The following WDR59 variants were observed in gnomAD, a reference collection of about 807,000 sequenced individuals.
WDR59 encodes GATOR2 complex protein WDR59.
Under a neutral mutation model 131.2 loss-of-function variants are expected in WDR59, and 100 were observed. That is an observed-to-expected ratio of 0.76 (90% CI 0.65 to 0.90). The LOEUF (loss-of-function observed/expected upper bound fraction) is 0.90, where lower values mean the gene tolerates loss of function less well. Among genes scored for constraint, WDR59 ranks in the 40% least tolerant of loss-of-function variants. The probability of loss-of-function intolerance (pLI) is 0.00; values close to 1 mark genes in which losing one functional copy is unlikely to be tolerated. For missense variants in WDR59, 1,203 were observed against 1,262.2 expected, an observed-to-expected ratio of 0.95 and a Z score of 0.71; for synonymous variants, 601 against 466.2, an observed-to-expected ratio of 1.29 and a Z score of -3.72.
chr16:74,961,349 C>A (rs1015872799), intron 2 of WDR59, among the ~76,000 whole-genome samples: 2 of 152,100 alleles, frequency 1.3e-5, no homozygotes, highest in Non-Finnish European at 2.9e-5. Flanking sequence ...AATGAAAGTT[C>A]TAGGTCTTTC....
At chr16:74,977,381 C>A (rs1051219445) in intron 1 of WDR59, among the ~76,000 whole-genome samples, 4 of 152,144 alleles carry the variant, frequency 2.6e-5, no homozygotes, top group Non-Finnish European at 5.9e-5. Context: ...TTACACTCTT[C>A]TTAATCTATA....
rs143747193 is a variant in WDR59, at chr16:74,905,829, A to G, written c.1713-1729T>C. 7.8e-3 allele frequency among the ~76,000 whole-genome samples: 1,186 copies of G among 152,276 alleles called. 74 individuals are homozygous for G. The highest frequency in any genetic ancestry group is 0.07 in the Admixed American group (1,066 of 15,286). Reference sequence around the variant, plus strand: ...GAAAGACAAGCCACAGATGAAGAGAAAATCAATACATACATCTAGCAAAGA... The same window carrying G: ...GAAAGACAAGCCACAGATGAAGAGAGAATCAATACATACATCTAGCAAAGA... On this transcript the variant is annotated intron_variant, in intron 17 of 25. Coordinates refer to ENST00000262144, the MANE Select transcript of WDR59 (RefSeq NM_030581.4).
intron 8 of WDR59, among the ~76,000 whole-genome samples, chr16:74,937,651 G>A (rs751277165): frequency 9.9e-5 from 15 of 152,030 alleles, no homozygotes; most frequent in South Asian, 2.1e-4. Flanking sequence ...ACAGGTGTGC[G>A]CCACCACACC....
chr16:74,966,555 A>G (rs2033784895), intron 1 of WDR59, among the ~76,000 whole-genome samples: 1 of 152,122 alleles, frequency 6.6e-6, no homozygotes, highest in Admixed American at 6.6e-5. Flanking sequence ...AGCTCAGAGA[A>G]AACAGCAGCT....
chr16:74,964,280 G>A (rs1182945482), intron 2 of WDR59, among the ~76,000 whole-genome samples: 1 of 151,710 alleles, frequency 6.6e-6, no homozygotes, highest in Non-Finnish European at 1.5e-5. Context: ...TCGGGAGGCT[G>A]AGGCAGGAGA....
At chr16:74,956,373 G>A (rs2033289415) in intron 3 of WDR59, 102 bp downstream of exon 3, 4 of 1,401,508 alleles carry the variant, frequency 2.9e-6, no homozygotes, top group Non-Finnish European at 2.8e-6. Context: ...TTTTCCAAAT[G>A]AGCAATGAGG....
chr16:74,958,102 G>A (rs2033378219), intron 2 of WDR59, among the ~76,000 whole-genome samples: 1 of 152,172 alleles, frequency 6.6e-6, no homozygotes, highest in African/African-American at 2.4e-5. Flanking sequence ...GGGCTGCAGA[G>A]ACTTTACAGG....
chr16:74,900,812 G>A (rs1965514022), intron 18 of WDR59, among the ~76,000 whole-genome samples: 1 of 152,204 alleles, frequency 6.6e-6, no homozygotes, highest in Non-Finnish European at 1.5e-5. Flanking sequence ...AAGATGTTTT[G>A]TTATCTCAAA....
At chr16:74,923,242 C>A (rs1412657861) in intron 9 of WDR59, among the ~76,000 whole-genome samples, 1 of 152,144 alleles carries the variant, frequency 6.6e-6, no homozygotes, top group Non-Finnish European at 1.5e-5. Flanking sequence ...TTGCCCAAGG[C>A]CATACCAGTA....
intron 1 of WDR59, among the ~76,000 whole-genome samples, chr16:74,979,570 C>A (rs181957182): frequency 7.9e-5 from 12 of 151,682 alleles, no homozygotes; most frequent in African/African-American, 2.4e-4. Context: ...GATGGAGTCT[C>A]GCTCTTGTCA....
At chr16:74,921,552 G>T (rs1377591213) in intron 10 of WDR59, among the ~76,000 whole-genome samples, 3 of 151,934 alleles carry the variant, frequency 2.0e-5, no homozygotes, top group East Asian at 3.9e-4. Flanking sequence ...ACAACTGAGG[G>T]TATGTAGTAG....
At chr16:74,949,991 C>T (rs1257271441) in intron 4 of WDR59, 193 bp from the exon 5 acceptor site, 3 of 643,766 alleles carry the variant, frequency 4.7e-6, no homozygotes, top group East Asian at 3.2e-5. Flanking sequence ...TCAGGTCCTT[C>T]GCCAGCTATA....
At chr16:74,981,649 T>TATATATAC (rs2034425895) in intron 1 of WDR59, among the ~76,000 whole-genome samples, 1 of 5,612 alleles carries the variant, frequency 1.8e-4, no homozygotes, top group African/African-American at 3.9e-4. Context: ...TATATATATA[T>TATATATAC]ATATATATAT....
chr16:74,899,773 C>A (rs1463022383), intron 18 of WDR59: 1 of 1,288,558 alleles, frequency 7.8e-7, no homozygotes, highest in Non-Finnish European at 1.0e-6. Context: ...GAAAACGTTA[C>A]ACCCAGGAGG....
At chr16:74,953,457 A>G (rs1462983549) in intron 3 of WDR59, among the ~76,000 whole-genome samples, 1 of 149,624 alleles carries the variant, frequency 6.7e-6, no homozygotes, top group African/African-American at 2.4e-5. Context: ...TGGGCAACAG[A>G]ACGAGACTCC....
chr16:74,941,340 C>CAAAA (rs71378720), intron 7 of WDR59, among the ~76,000 whole-genome samples: 2 of 109,884 alleles, frequency 1.8e-5, no homozygotes, highest in Non-Finnish European at 3.8e-5. Context: ...GGCTCCATCT[C>CAAAA]AAAAAAAAAA....
chr16:74,976,677 G>C (rs1476257994), intron 1 of WDR59, among the ~76,000 whole-genome samples: 1 of 152,154 alleles, frequency 6.6e-6, no homozygotes, highest in Non-Finnish European at 1.5e-5. Context: ...TTCTGACCTT[G>C]TGATCCGCCC....
chr16:74,881,196 G>A (rs984342467), intron 25 of WDR59, among the ~76,000 whole-genome samples: 3 of 152,096 alleles, frequency 2.0e-5, no homozygotes, highest in African/African-American at 4.8e-5. Flanking sequence ...CATGAGCCCC[G>A]TCTGTAAATA....
At chr16:74,898,363 T>A (rs1965389591) in intron 18 of WDR59, among the ~76,000 whole-genome samples, 1 of 152,206 alleles carries the variant, frequency 6.6e-6, no homozygotes, top group Admixed American at 6.5e-5. Flanking sequence ...AGGAAAAGGA[T>A]TTGATCCTTT....
Sources: gnomAD v4.1 joint callset for allele counts (sites outside exome capture counted in the v4.1 genomes callset) on GRCh38, gnomAD v4.1.1 for gene constraint, MANE v1.5 for transcripts, NCBI Gene and HGNC (gene_info 2026-07-23, HGNC 2026-07-21) for gene names.